The following AGPAT3 variants were observed in gnomAD, a reference collection of about 807,000 sequenced individuals.
AGPAT3 encodes the protein 1-acyl-sn-glycerol-3-phosphate acyltransferase gamma.
Under a neutral mutation model 47.3 loss-of-function variants are expected in AGPAT3, and 5 were observed. The observed-to-expected ratio is 0.11, with a 90% CI of 0.06 to 0.22. The LOEUF (loss-of-function observed/expected upper bound fraction) is 0.22. Ranked by LOEUF, AGPAT3 falls within the 10% of genes least tolerant of loss-of-function variation. The pLI is 1.00. For synonymous variants in AGPAT3, 212 were observed against 208.3 expected (o/e 1.02, Z -0.15); for missense variants, 315 against 493.0 (o/e 0.64, Z 3.42).
intron 2 of AGPAT3, among the ~76,000 whole-genome samples, chr21:43,936,097 A>C (rs2087437547): frequency 6.6e-6 from 1 of 152,252 alleles, no homozygotes; most frequent in South Asian, 2.1e-4. Flanking sequence ...CCCTGGGGAC[A>C]GCCGTGGTGG....
At chr21:43,893,513 C>T (rs1245206303) in intron 1 of AGPAT3, among the ~76,000 whole-genome samples, 1 of 152,252 alleles carries the variant, frequency 6.6e-6, no homozygotes, top group Non-Finnish European at 1.5e-5. Context: ...GCATTCATCA[C>T]TTGGCCAACT....
At chr21:43,976,158 T>G (rs1166194031) in intron 7 of AGPAT3, among the ~76,000 whole-genome samples, 1 of 152,144 alleles carries the variant, frequency 6.6e-6, no homozygotes, top group Non-Finnish European at 1.5e-5. Context: ...ACCTCCGCCT[T>G]CTGGTTCTAG....
chr21:43,955,291 G>C lies in AGPAT3; in HGVS notation c.-48-4343G>C. 1.8e-6 allele frequency: 2 copies of C among 1,141,304 alleles called. No homozygotes were observed. The highest frequency in any genetic ancestry group is 2.2e-6 in the Non-Finnish European group (2 of 904,016). 70.7% of individuals were successfully genotyped at this position (1,141,304 alleles called of 1,614,324 possible). On this transcript the variant is annotated intron_variant, in intron 2 of 9. Coordinates refer to ENST00000291572, the MANE Select transcript of AGPAT3 (RefSeq NM_020132.5). This position sits in a 1 kb window ranked among gnomAD's most constrained non-coding sequence, Gnocchi z 4.1. ...AAGCTGACCTGCATTGTCAGGCTGG[G>C]TGGGGAAGGACTTGGATGGAAATGT...
In AGPAT3 at chr21:43,968,049, C is replaced by T; in HGVS notation, c.282C>T (p.Leu94=). Reference sequence around the variant, plus strand: ...GGAAGGAGCACGCAGTCATCATCCTCAACCACAACTTCGAGATCGACTTCC... The same window carrying T: ...GGAAGGAGCACGCAGTCATCATCCTTAACCACAACTTCGAGATCGACTTCC... ...RFGKEHAVII[L]NHNFEIDFLC... The change falls in exon 4 of 10, where the codon CTC becomes CTT. Residue 94 remains leucine, a synonymous_variant. Transcript: ENST00000291572. 1 of 1,614,002 alleles carries T rather than the reference C, an allele frequency of 6.2e-7. No homozygotes were observed. Among genetic ancestry groups the T allele is most frequent in the South Asian group, 1.1e-5 (1 of 91,038 alleles).
chr21:43,944,922 C>G (rs956650620), intron 2 of AGPAT3, among the ~76,000 whole-genome samples: 2 of 152,218 alleles, frequency 1.3e-5, no homozygotes, highest in African/African-American at 4.8e-5. Flanking sequence ...GGCTTCCCTC[C>G]CCAGCCCGCC....
At chr21:43,924,625 C>T (rs868595412) in intron 2 of AGPAT3, among the ~76,000 whole-genome samples, 8 of 152,352 alleles carry the variant, frequency 5.3e-5, no homozygotes, top group South Asian at 2.1e-4. Flanking sequence ...TGACCTCCTC[C>T]GACATCATGC....
intron 1 of AGPAT3, among the ~76,000 whole-genome samples, chr21:43,868,164 G>A (rs542614147): frequency 6.6e-6 from 1 of 152,324 alleles, no homozygotes; most frequent in South Asian, 2.1e-4. Flanking sequence ...TTTGGAGGCG[G>A]GAAGGCCGAG....
rs186783713 is a variant in AGPAT3 at position 43,920,945 on chromosome 21, C to G, written c.-49+16926C>G. ...TCAAGACCACGGTGAAACCCCATATCTACTAAAAATACAAAAACTTAGCCG... is the reference window on the plus strand; with the variant it reads ...TCAAGACCACGGTGAAACCCCATATGTACTAAAAATACAAAAACTTAGCCG... On this transcript the variant is annotated intron_variant, in intron 2 of 9. Coordinates refer to ENST00000291572, the MANE Select transcript of AGPAT3 (RefSeq NM_020132.5). This position sits in a 1 kb window ranked among gnomAD's most constrained non-coding sequence, Gnocchi z 6.1. Among the ~76,000 whole-genome samples, 467 of 152,260 alleles carry G rather than the reference C, an allele frequency of 3.1e-3. No individual in the cohort carries two copies. The highest frequency in any genetic ancestry group is 0.01 in the African/African-American group (433 of 41,562).
intron 2 of AGPAT3, among the ~76,000 whole-genome samples, chr21:43,943,404 ACCT>A (rs1264509419): frequency 6.6e-6 from 1 of 150,848 alleles, no homozygotes; most frequent in Non-Finnish European, 1.5e-5. Context: ...TAAACCAGAA[ACCT>A]CCTTCCTCCC....
In AGPAT3 at chr21:43,968,197, C is replaced by T. The variant is rs1479820535; in HGVS notation, c.348+82C>T. 1.3e-5 allele frequency: 15 copies of T among 1,127,954 alleles called. No individual in the cohort carries two copies. The African/African-American group carries it at 2.5e-4, about 19-fold the overall frequency. 69.9% of individuals were successfully genotyped at this position (1,127,954 alleles called of 1,614,324 possible). On this transcript the variant is annotated intron_variant, in intron 4 of 9. Coordinates refer to ENST00000291572, the MANE Select transcript of AGPAT3 (RefSeq NM_020132.5). ...GGGGTGAGCGGGGACCCAGGGAGGG[C>T]CGGGGTGAGCAGGGGGTCCCTGCAG... is the stretch of plus-strand genomic sequence containing the variant.
intron 2 of AGPAT3, among the ~76,000 whole-genome samples, chr21:43,907,069 T>TCTCCAG (rs1382635606): frequency 6.7e-6 from 1 of 149,604 alleles, no homozygotes; most frequent in Admixed American, 6.6e-5. Flanking sequence ...TCTCTCTCTG[T>TCTCCAG]CTCCCAGGCT....
rs922734530 is a variant in AGPAT3, at chr21:43,933,142, G to T, written c.-48-26492G>T. Reference sequence around the variant, plus strand: ...TGACACCTCCCTGTGGCTTCGATTTGCTTCTCCCTGATGGTTAATAATGCC... The same window carrying T: ...TGACACCTCCCTGTGGCTTCGATTTTCTTCTCCCTGATGGTTAATAATGCC... On this transcript the variant is annotated intron_variant, in intron 2 of 9. Transcript: ENST00000291572. This position sits in a 1 kb window ranked among gnomAD's most constrained non-coding sequence, Gnocchi z 6.0. 3.9e-5 allele frequency among the ~76,000 whole-genome samples: 6 copies of T among 152,160 alleles called. No homozygotes were observed. The highest frequency in any genetic ancestry group is 8.8e-5 in the Non-Finnish European group (6 of 68,034).
chr21:43,957,715 G>A (rs905887761), intron 2 of AGPAT3, among the ~76,000 whole-genome samples: 3 of 149,806 alleles, frequency 2.0e-5, no homozygotes, highest in African/African-American at 7.4e-5. Context: ...CCCTCCACAC[G>A]GGGGTCTCTG....
intron 1 of AGPAT3, among the ~76,000 whole-genome samples, chr21:43,887,677 CAG>C (rs1210489095): frequency 6.6e-6 from 1 of 152,196 alleles, no homozygotes; most frequent in Non-Finnish European, 1.5e-5. Context: ...TATTTAGAGA[CAG>C]AGTTTCGCTC....
chr21:43,870,077 G>A (rs1004896919), intron 1 of AGPAT3, among the ~76,000 whole-genome samples: 1 of 152,178 alleles, frequency 6.6e-6, no homozygotes, highest in African/African-American at 2.4e-5. Flanking sequence ...GACTCATTAT[G>A]CGGCACGGGC....
intron 3 of AGPAT3, among the ~76,000 whole-genome samples, chr21:43,963,707 C>CAAAAA (rs10582784): frequency 1.5e-3 from 98 of 65,436 alleles, no homozygotes; most frequent in African/African-American, 2.9e-3. Flanking sequence ...GACTCTGTCT[C>CAAAAA]AAAAAAAAAA....
At chr21:43,893,530 C>T (rs941211241) in intron 1 of AGPAT3, among the ~76,000 whole-genome samples, 3 of 152,268 alleles carry the variant, frequency 2.0e-5, no homozygotes, top group African/African-American at 7.2e-5. Context: ...AACTGTTTGG[C>T]CCAAGAGGCC....
At chr21:43,931,287 G>A (rs1402081074) in intron 2 of AGPAT3, among the ~76,000 whole-genome samples, 3 of 152,162 alleles carry the variant, frequency 2.0e-5, no homozygotes, top group East Asian at 1.9e-4. Flanking sequence ...CTGGAGTTTC[G>A]CTCGGTCACT....
chr21:43,984,801 T>TC lies in AGPAT3; in HGVS notation c.*2410dup, dbSNP rs2030091706. 5.2e-6 allele frequency: 1 copy of TC among 193,996 alleles called. No individual in the cohort carries two copies. The highest frequency in any genetic ancestry group is 1.4e-4 in the East Asian group (1 of 7,056). 12.0% of individuals were successfully genotyped at this position (193,996 alleles called of 1,614,324 possible). ...AAATCCCAGAACAGTCTTTTTTTTTTCTTTTTCCTTTACACCCTACTTCTG... is the reference window on the plus strand; with the variant it reads ...AAATCCCAGAACAGTCTTTTTTTTTTCCTTTTTCCTTTACACCCTACTTCTG... On this transcript the variant is annotated 3_prime_UTR_variant, in exon 10 of 10. Coordinates refer to ENST00000291572, the MANE Select transcript of AGPAT3 (RefSeq NM_020132.5).
Sources: allele counts gnomAD v4.1 joint callset (sites outside exome capture counted in the v4.1 genomes callset), GRCh38; gene constraint gnomAD v4.1.1; non-coding constraint Gnocchi (gnomAD v3.1); transcripts MANE v1.5; gene names NCBI Gene and HGNC (gene_info 2026-07-23, HGNC 2026-07-21).